Variants in ZNF467 observed in about 807,000 individuals in gnomAD.
The protein encoded by ZNF467 is zinc finger protein EZI.
In ZNF467, 51 loss-of-function variants were observed where a neutral mutation model predicts 47.8. That is an observed-to-expected ratio of 1.07 (90% CI 0.85 to 1.35). The LOEUF is 1.35. Among genes scored for constraint, ZNF467 ranks in the 40% most tolerant of loss-of-function variants. The pLI, the probability that ZNF467 is intolerant of heterozygous loss-of-function variation, is 0.00. For missense variants in ZNF467, 992 were observed against 858.1 expected, an observed-to-expected ratio of 1.16 and a Z score of -1.95; for synonymous variants, 416 against 372.9, an observed-to-expected ratio of 1.12 and a Z score of -1.33.
rs1020409889 is a variant in ZNF467 at position 149,765,377 on chromosome 7, A to G, written c.1125T>C (p.Cys375=). 5 of 1,563,080 alleles carry G rather than the reference A, an allele frequency of 3.2e-6. No individual in the cohort carries two copies. Among genetic ancestry groups the G allele is most frequent in the Non-Finnish European group, 3.5e-6 (4 of 1,154,552 alleles). ...GWKKNLATHQ[C]LHRSEGRPFG... The stretch of plus-strand genomic sequence containing the variant: ...AGGGGCGACCCTCGCTGCGGTGCAG[A>G]CACTGGTGCGTGGCGAGGTTCTTTT... The change falls in exon 5 of 5, where the codon TGT becomes TGC. Residue 375 remains cysteine (C), a synonymous_variant. Coordinates refer to ENST00000302017, the MANE Select transcript of ZNF467 (RefSeq NM_207336.3).
Position 149,766,188 on chromosome 7 carries a change from G to C in ZNF467, c.314C>G (p.Ala105Gly). ...CTGGGGCCATTCGACCTCCTCTTCTGCCTCCTGATCTTCGTCCTCCACCTT... is the reference window on the plus strand; with the variant it reads ...CTGGGGCCATTCGACCTCCTCTTCTCCCTCCTGATCTTCGTCCTCCACCTT... ...KVKVEDEDQE[A>G]EEEVEWPQHL... Residue 105 changes from alanine (A) to glycine (G), a missense_variant, in exon 5 of 5, where the codon GCA becomes GGA. Coordinates refer to ENST00000302017, the MANE Select transcript of ZNF467 (RefSeq NM_207336.3). The C allele has an allele frequency of 6.5e-7, 1 of 1,550,142 alleles. No individual in the cohort carries two copies.
In ZNF467 at chr7:149,766,237, CT is replaced by C; in HGVS notation, c.264del (p.Glu89ArgfsTer4). 1 of 1,515,232 alleles carries C rather than the reference CT, an allele frequency of 6.6e-7. No individual in the cohort carries two copies. The highest frequency in any genetic ancestry group is 8.8e-7 in the Non-Finnish European group (1 of 1,131,474). 93.9% of individuals were successfully genotyped at this position (1,515,232 alleles called of 1,614,324 possible). On this transcript the variant is annotated frameshift_variant and splice_region_variant, in exon 5 of 5. Transcript: ENST00000302017. LOFTEE classifies it high-confidence loss of function. The part of the protein sequence containing the change: ...QKAQPVGTCP[G>X]EEWMIRKVKV... ...TTCACCTTCCGAATCATCCACTCCT[CT>C]CCTGGAAAGTCAAAACAAGAATTGT...
Position 149,764,310 on chromosome 7 carries a change from GGCT to G in ZNF467, c.*401_*403del. 5.7e-5 allele frequency: 27 copies of G among 469,786 alleles called. No homozygotes were observed. Among genetic ancestry groups the G allele is most frequent in the South Asian group, 1.6e-4 (4 of 24,484 alleles). 29.1% of individuals were successfully genotyped at this position (469,786 alleles called of 1,614,324 possible). ...TGTGTGTGGATGGAGGTGGGACAGT[GGCT>G]AAGGAGAGTCAGGTGTTCCCTCCCC... On this transcript the variant is annotated 3_prime_UTR_variant, in exon 5 of 5. Transcript: ENST00000302017.
chr7:149,776,102 C>T (rs1178260533), upstream of ZNF467: 6 of 1,361,866 alleles, frequency 4.4e-6, no homozygotes, highest in South Asian at 5.7e-5. Flanking sequence ...GTAAGCAGCC[C>T]ACCCTGGACC....
Position 149,765,871 on chromosome 7 carries a change from G to T in ZNF467, c.631C>A (p.Arg211Ser), listed in dbSNP as rs770796888. 2 of 1,597,416 alleles carry T rather than the reference G, an allele frequency of 1.3e-6. No homozygotes were observed. Among genetic ancestry groups the T allele is most frequent in the South Asian group, 1.1e-5 (1 of 89,194 alleles). Reference sequence around the variant, plus strand: ...GAGCACGGGAAAGGCCGCTCGCCGCGGTGGCTGCGCTGATGCAGTAGCATG... The same window carrying T: ...GAGCACGGGAAAGGCCGCTCGCCGCTGTGGCTGCGCTGATGCAGTAGCATG... ...AHMLLHQRSH[R>S]GERPFPCSEC... The change falls in exon 5 of 5, where the codon CGC (arginine) becomes AGC (serine). Residue 211 changes from arginine (R) to serine (S), a missense_variant. Coordinates refer to ENST00000302017, the MANE Select transcript of ZNF467 (RefSeq NM_207336.3).
At chr7:149,771,275 A>G (rs1403702171) in intron 1 of ZNF467, among the ~76,000 whole-genome samples, 1 of 152,100 alleles carries the variant, frequency 6.6e-6, no homozygotes, top group African/African-American at 2.4e-5. Flanking sequence ...AGGCCTTGAA[A>G]CGATTTCTGT....
chr7:149,775,292 G>T (rs1406434118), upstream of ZNF467, among the ~76,000 whole-genome samples: 2 of 152,146 alleles, frequency 1.3e-5, no homozygotes, highest in African/African-American at 4.8e-5. Context: ...CTGGACCCTG[G>T]AGAAAAGGGT....
At position 149,765,739 on chromosome 7, in the gene ZNF467, G is replaced by C; in HGVS notation, c.763C>G (p.Gln255Glu). 4 of 1,613,122 alleles carry C rather than the reference G, an allele frequency of 2.5e-6. No homozygotes were observed. The highest frequency in any genetic ancestry group is 3.4e-6 in the Non-Finnish European group (4 of 1,179,704). ...TGGTGCGAGCCCAGGTGGATCTTCTGGCTGAAGCGCTTGCCGCACTCCGCG... is the reference window on the plus strand; with the variant it reads ...TGGTGCGAGCCCAGGTGGATCTTCTCGCTGAAGCGCTTGCCGCACTCCGCG... Reference protein sequence around the residue: ...PCAECGKRFSQKIHLGSHQKT... With the variant: ...PCAECGKRFSEKIHLGSHQKT... Residue 255 changes from glutamine to glutamate, a missense_variant, in exon 5 of 5, where the codon CAG (glutamine) becomes GAG (glutamate). Coordinates refer to ENST00000302017, the MANE Select transcript of ZNF467 (RefSeq NM_207336.3).
At chr7:149,768,646 A>T (rs1282319873) in intron 4 of ZNF467, among the ~76,000 whole-genome samples, 3 of 152,212 alleles carry the variant, frequency 2.0e-5, no homozygotes, top group Non-Finnish European at 2.9e-5. Context: ...CACCCTGGGT[A>T]TGAGGAGATG....
In ZNF467 at chr7:149,764,657, T is replaced by G; in HGVS notation, c.*57A>C. 1 of 1,560,236 alleles carries G rather than the reference T, an allele frequency of 6.4e-7. No individual in the cohort carries two copies. Among genetic ancestry groups the G allele is most frequent in the South Asian group, 1.2e-5 (1 of 85,682 alleles). On this transcript the variant is annotated 3_prime_UTR_variant, in exon 5 of 5. Transcript: ENST00000302017. ...GTCGCCTTGCTCACCCCAGGCGGTC[T>G]CATGGCACGGGCCTCTCGAAACTGT... is the stretch of plus-strand genomic sequence containing the variant.
chr7:149,764,763 G>T lies in ZNF467; in HGVS notation c.1739C>A (p.Pro580Gln). 6.5e-7 allele frequency: 1 copy of T among 1,527,892 alleles called. No homozygotes were observed. Among genetic ancestry groups the T allele is most frequent in the Non-Finnish European group, 8.8e-7 (1 of 1,137,108 alleles). 94.6% of individuals were successfully genotyped at this position (1,527,892 alleles called of 1,614,324 possible). A position where few individuals can be genotyped will look rare whatever the true frequency, so the allele number is the denominator to read the frequency against. Residue 580 changes from proline (P) to glutamine (Q), a missense_variant, in exon 5 of 5, where the codon CCA (proline) becomes CAA (glutamine). Pro to Gln is a moderately conservative substitution (Grantham distance 76). Coordinates refer to ENST00000302017, the MANE Select transcript of ZNF467 (RefSeq NM_207336.3). ...HAAPDAALAA[P>Q]AWSAPPEVAP... ...CACCTCGGGGGGAGCGGACCAGGCTGGGGCCGCAAGGGCGGCGTCCGGGGC... is the reference window on the plus strand; with the variant it reads ...CACCTCGGGGGGAGCGGACCAGGCTTGGGCCGCAAGGGCGGCGTCCGGGGC...
Position 149,769,111 on chromosome 7 carries a change from G to A in ZNF467, c.241C>T (p.Gln81Ter). 3 of 1,554,920 alleles carry A rather than the reference G, an allele frequency of 1.9e-6. No individual in the cohort carries two copies. Among genetic ancestry groups the A allele is most frequent in the Non-Finnish European group, 2.6e-6 (3 of 1,148,770 alleles). ...TCACCTGGGCAGGTACCCACAGGCT[G>A]AGCCTTCTGTGCTGAGCACGCCTGG... The part of the protein sequence containing the change: ...RGQACSAQKA[Q>*]PVGTCPGEEW... The change falls in exon 4 of 5, where the codon CAG becomes TAG. Residue 81 changes from glutamine (Q) to a stop codon, truncating the protein, a stop_gained. Transcript: ENST00000302017. LOFTEE classifies it high-confidence loss of function. This position sits in a 1 kb window ranked among gnomAD's most constrained non-coding sequence, Gnocchi z 5.3.
intron 4 of ZNF467, among the ~76,000 whole-genome samples, chr7:149,767,430 T>C (rs1382409332): frequency 2.0e-5 from 3 of 152,268 alleles, no homozygotes; most frequent in Non-Finnish European, 4.4e-5. Flanking sequence ...TCAGAGGTAC[T>C]CCCAGTTTCT....
chr7:149,775,538 A>G (rs901356352), upstream of ZNF467, among the ~76,000 whole-genome samples: 3 of 152,212 alleles, frequency 2.0e-5, no homozygotes, highest in Admixed American at 6.5e-5. Flanking sequence ...AACTGTCTTC[A>G]GAAAAATGTG....
At position 149,764,996 on chromosome 7, in the gene ZNF467, C is replaced by T. The variant is rs1218262578; in HGVS notation, c.1506G>A (p.Leu502=). The change falls in exon 5 of 5, where the codon CTG becomes CTA. Residue 502 remains leucine (L), a synonymous_variant. Transcript: ENST00000302017. ...CAGTGTGCACCGCCTGGTGGCGGCC[C>T]AGGTGCGACTTGCGGCTGAAGCGGC... ...CGRRFSRKSH[L]GRHQAVHTGS... 6.3e-7 allele frequency: 1 copy of T among 1,590,194 alleles called. No homozygotes were observed. The highest frequency in any genetic ancestry group is 8.5e-7 in the Non-Finnish European group (1 of 1,174,066).
chr7:149,765,278 G>A lies in ZNF467; in HGVS notation c.1224C>T (p.Gly408=). The change falls in exon 5 of 5, where the codon GGC becomes GGT. Residue 408 remains glycine, a synonymous_variant. Coordinates refer to ENST00000302017, the MANE Select transcript of ZNF467 (RefSeq NM_207336.3). ...PAAKPLASAP[G]GPGCGPGSDP... is the part of the protein sequence containing the mutation. ...CGGATCCTGGGCCGCAGCCCGGTCC[G>A]CCAGGCGCGCTGGCCAGGGGCTTGG... The A allele has an allele frequency of 6.8e-7, 1 of 1,461,192 alleles. No homozygotes were observed. The highest frequency in any genetic ancestry group is 1.4e-5 in the South Asian group (1 of 70,564). The allele number at this position is 1,461,192 out of a possible 1,614,324, so 90.5% of individuals were successfully genotyped here.
rs10215169 is a variant in ZNF467, at chr7:149,764,615, T to A, written c.*99A>T. On this transcript the variant is annotated 3_prime_UTR_variant, in exon 5 of 5. Coordinates refer to ENST00000302017, the MANE Select transcript of ZNF467 (RefSeq NM_207336.3). Reference sequence around the variant, plus strand: ...ACAGGTGTCCCGCGGCGGCCAAACCTTCGGGCAGCAGCCCAGGTCGCCTTG... The same window carrying A: ...ACAGGTGTCCCGCGGCGGCCAAACCATCGGGCAGCAGCCCAGGTCGCCTTG... The A allele has an allele frequency of 1.9e-3, 2,920 of 1,547,688 alleles. 55 individuals carry two copies. The African/African-American group carries it at 0.037, about 19-fold the overall frequency.
upstream of ZNF467, among the ~76,000 whole-genome samples, chr7:149,775,888 A>G (rs1799560633): frequency 6.7e-6 from 1 of 150,010 alleles, no homozygotes. Context: ...ACTGGAATAA[A>G]GCCCCCCACA....
At position 149,764,313 on chromosome 7, in the gene ZNF467, T is replaced by TCATTA; in HGVS notation, c.*400_*401insTAATG. On this transcript the variant is annotated 3_prime_UTR_variant, in exon 5 of 5. Coordinates refer to ENST00000302017, the MANE Select transcript of ZNF467 (RefSeq NM_207336.3). ...GTGTGGATGGAGGTGGGACAGTGGC[T>TCATTA]AAGGAGAGTCAGGTGTTCCCTCCCC... 1 of 439,084 alleles carries TCATTA rather than the reference T, an allele frequency of 2.3e-6. No homozygotes were observed. Among genetic ancestry groups the TCATTA allele is most frequent in the South Asian group, 5.4e-5 (1 of 18,670 alleles). 27.2% of individuals were successfully genotyped at this position (439,084 alleles called of 1,614,324 possible). A position where few individuals can be genotyped will look rare whatever the true frequency, so the allele number is the denominator to read the frequency against.
Sources: gnomAD v4.1 joint callset for allele counts (sites outside exome capture counted in the v4.1 genomes callset) on GRCh38, gnomAD v4.1.1 for gene constraint, Gnocchi (gnomAD v3.1) non-coding constraint, MANE v1.5 for transcripts, NCBI Gene and HGNC (gene_info 2026-07-23, HGNC 2026-07-21) for gene names.